The following SLC7A2 variants were observed in gnomAD, a reference collection of about 807,000 sequenced individuals.
SLC7A2 encodes solute carrier family 7 member 2.
Under a neutral mutation model 58.9 loss-of-function variants are expected in SLC7A2, and 48 were observed. The ratio of observed to expected loss-of-function variants is 0.82; its 90% confidence interval spans 0.65 to 1.04. SLC7A2 has a LOEUF of 1.04. SLC7A2 is among the 50% of genes least tolerant of loss of function. SLC7A2 has a pLI of 0.00. For synonymous variants in SLC7A2, 363 were observed against 314.5 expected (o/e 1.15, Z -1.63); for missense variants, 1,029 against 818.8 (o/e 1.26, Z -3.13).
At chr8:17,519,985 C>G (rs1045480276) in intron 2 of SLC7A2, among the ~76,000 whole-genome samples, 2 of 152,092 alleles carry the variant, frequency 1.3e-5, no homozygotes, top group Non-Finnish European at 2.9e-5. Flanking sequence ...CCAACAATGA[C>G]TTGGGAAAAG....
At chr8:17,528,568 G>A (rs926373295) in intron 2 of SLC7A2, among the ~76,000 whole-genome samples, 5 of 151,960 alleles carry the variant, frequency 3.3e-5, no homozygotes, top group African/African-American at 9.7e-5. Context: ...TTATAGAAAC[G>A]GGGTTTTGCT....
chr8:17,515,303 T>C (rs1038739036), intron 2 of SLC7A2, among the ~76,000 whole-genome samples: 7 of 151,746 alleles, frequency 4.6e-5, no homozygotes, highest in East Asian at 1.9e-4. Flanking sequence ...CTTTTTCTTT[T>C]TTTTTTTTTT....
At position 17,525,704 on chromosome 8, in the gene SLC7A2, T is replaced by G. The variant is rs527645334; in HGVS notation, c.-22-17614T>G. On this transcript the variant is annotated intron_variant, in intron 2 of 12. Transcript: ENST00000494857. ...GTATGAGTTTGCACTCAGGGTACAT[T>G]AAGCAACTGGATGGTGCTAGAGAGG... 1.3e-3 allele frequency among the ~76,000 whole-genome samples: 200 copies of G among 152,320 alleles called. 1 individual carries two copies. The highest frequency in any genetic ancestry group is 4.6e-3 in the African/African-American group (193 of 41,574).
At position 17,562,978 on chromosome 8, in the gene SLC7A2, AAAAC is replaced by A. The variant is rs1401736283; in HGVS notation, c.1672-613_1672-610del. 4.6e-5 allele frequency among the ~76,000 whole-genome samples: 7 copies of A among 152,180 alleles called. No individual in the cohort carries two copies. The East Asian group carries it at 7.7e-4, about 17-fold the overall frequency. On this transcript the variant is annotated intron_variant, in intron 11 of 12. Transcript: ENST00000494857. ...CAACATAGCGAGACCCCATCTCTACAAAACAAACAAACAAATTAGCTGCGTGTAG... is the reference window on the plus strand; with the variant it reads ...CAACATAGCGAGACCCCATCTCTACAAAACAAACAAATTAGCTGCGTGTAG...
intron 2 of SLC7A2, among the ~76,000 whole-genome samples, chr8:17,535,624 C>T (rs1481311280): frequency 2.6e-5 from 4 of 152,208 alleles, no homozygotes; most frequent in South Asian, 2.1e-4. Flanking sequence ...CATTTTTGGC[C>T]GGGCGCGGTG....
chr8:17,560,051 C>G (rs1802890969), intron 9 of SLC7A2, among the ~76,000 whole-genome samples: 1 of 152,100 alleles, frequency 6.6e-6, no homozygotes, highest in South Asian at 2.1e-4. Context: ...ATTCTTTTTT[C>G]ATGATTGCCT....
intron 2 of SLC7A2, among the ~76,000 whole-genome samples, chr8:17,513,299 CTCA>C (rs1800677892): frequency 6.6e-6 from 1 of 152,230 alleles, no homozygotes; most frequent in Admixed American, 6.5e-5. Flanking sequence ...TCTGCATATC[CTCA>C]TCAATACATG....
At chr8:17,562,540 C>T (rs1293481435) in intron 11 of SLC7A2, among the ~76,000 whole-genome samples, 2 of 151,968 alleles carry the variant, frequency 1.3e-5, no homozygotes, top group Non-Finnish European at 2.9e-5. Flanking sequence ...GGTTTTGCTA[C>T]ATTGGCCAGG....
At chr8:17,556,707 C>G (rs1802721858) in intron 8 of SLC7A2, among the ~76,000 whole-genome samples, 1 of 151,894 alleles carries the variant, frequency 6.6e-6, no homozygotes, top group South Asian at 2.1e-4. Context: ...CTCCCGAGTT[C>G]AAGCAATTCT....
At chr8:17,553,763 G>T (rs538243922) in intron 7 of SLC7A2, among the ~76,000 whole-genome samples, 1 of 152,292 alleles carries the variant, frequency 6.6e-6, no homozygotes, top group Non-Finnish European at 1.5e-5. Flanking sequence ...GGGTGACAGA[G>T]TGAGTCCCTG....
intron 2 of SLC7A2, among the ~76,000 whole-genome samples, chr8:17,529,460 A>T (rs759039935): frequency 6.6e-6 from 1 of 152,112 alleles, no homozygotes; most frequent in African/African-American, 2.4e-5. Flanking sequence ...AGCAAGTGTC[A>T]ATCCTACCCA....
In SLC7A2 at chr8:17,514,693, A is replaced by T. The variant is rs1247614454; in HGVS notation, c.-23+12391A>T. Among the ~76,000 whole-genome samples, 3 of 152,174 alleles carry T rather than the reference A, an allele frequency of 2.0e-5. No homozygotes were observed. The East Asian group carries it at 5.8e-4, about 29-fold the overall frequency. On this transcript the variant is annotated intron_variant, in intron 2 of 12. Coordinates refer to ENST00000494857, the MANE Select transcript of SLC7A2 (RefSeq NM_001370338.1). ...GGCTAGCTTTACTATCATTTGATTCAGCCAAAGATGATGTCTTATAGAAAT... is the reference window on the plus strand; with the variant it reads ...GGCTAGCTTTACTATCATTTGATTCTGCCAAAGATGATGTCTTATAGAAAT...
chr8:17,543,231 CAT>C, intron 2 of SLC7A2, 85 bp from the exon 3 acceptor site: 1 of 1,195,534 alleles, frequency 8.4e-7, no homozygotes, highest in Non-Finnish European at 1.2e-6. Context: ...CACACACACA[CAT>C]ACTCTAATTG....
chr8:17,518,729 G>T (rs1409692107), intron 2 of SLC7A2, among the ~76,000 whole-genome samples: 1 of 152,088 alleles, frequency 6.6e-6, no homozygotes, highest in African/African-American at 2.4e-5. Flanking sequence ...TTCATTTATG[G>T]AGAGTCAGAC....
intron 2 of SLC7A2, among the ~76,000 whole-genome samples, chr8:17,518,965 TG>T (rs1265167045): frequency 1.3e-5 from 2 of 152,128 alleles, no homozygotes; most frequent in Non-Finnish European, 2.9e-5. Flanking sequence ...TGTCCTCAGT[TG>T]GTAGAGAGAG....
intron 8 of SLC7A2, 74 bp from the exon 9 acceptor site, chr8:17,558,221 G>T (rs545276641): frequency 1.1e-6 from 1 of 923,484 alleles, no homozygotes; most frequent in African/African-American, 1.6e-5. Flanking sequence ...AGATGTCCCT[G>T]ACTTGAACGT....
At position 17,508,096 on chromosome 8, in the gene SLC7A2, T is replaced by TA. The variant is rs899240723; in HGVS notation, c.-23+5804dup. On this transcript the variant is annotated intron_variant, in intron 2 of 12. Transcript: ENST00000494857. ...AGTGCTATTGTGCTCTCTTTTTTTT[T>TA]AAAAAAAAAAGCTATTTGAATTTTT... Among the ~76,000 whole-genome samples the TA allele has an allele frequency of 6.2e-3, 918 of 148,736 alleles. 8 individuals carry two copies. Among genetic ancestry groups the TA allele is most frequent in the African/African-American group, 0.019 (772 of 40,230 alleles).
At position 17,543,467 on chromosome 8, in the gene SLC7A2, G is replaced by C. The variant is rs760336292; in HGVS notation, c.128G>C (p.Gly43Ala). ...CLSTMDLIAL[G>A]VGSTLGAGVY... is the part of the protein sequence containing the mutation. ...TCCACCATGGACCTCATTGCCCTGG[G>C]CGTTGGAAGCACCCTTGGGGCCGGG... is the stretch of plus-strand genomic sequence containing the variant. Residue 43 changes from glycine to alanine, a missense_variant, in exon 3 of 13, where the codon GGC becomes GCC. Transcript: ENST00000494857. The C allele has an allele frequency of 6.2e-7, 1 of 1,614,146 alleles. No homozygotes were observed. The highest frequency in any genetic ancestry group is 8.5e-7 in the Non-Finnish European group (1 of 1,180,034).
chr8:17,530,335 G>A (rs903228825), intron 2 of SLC7A2, among the ~76,000 whole-genome samples: 1 of 152,162 alleles, frequency 6.6e-6, no homozygotes, highest in Non-Finnish European at 1.5e-5. Flanking sequence ...GGGCAAGGTG[G>A]GGGCAGCTGG....
Sources: gnomAD v4.1 joint callset for allele counts (sites outside exome capture counted in the v4.1 genomes callset) on GRCh38, gnomAD v4.1.1 for gene constraint, MANE v1.5 for transcripts, NCBI Gene and HGNC (gene_info 2026-07-23, HGNC 2026-07-21) for gene names.